MIA2: variants seen among roughly 807,000 people sequenced by gnomAD.
The protein encoded by MIA2 is MIA SH3 domain ER export factor 2.
A neutral mutation model predicts 167.8 loss-of-function variants in MIA2; 127 were observed. The observed-to-expected ratio is 0.76, with a 90% confidence interval of 0.66 to 0.88. MIA2 has a LOEUF of 0.88. MIA2 is among the 40% of genes least tolerant of loss of function. The pLI is 0.00. For synonymous variants in MIA2, 552 were observed against 541.9 expected, an observed-to-expected ratio of 1.02 and a Z score of -0.26; for missense variants, 1,690 against 1,624.7, an observed-to-expected ratio of 1.04 and a Z score of -0.69.
intron 25 of MIA2, 57 bp from the exon 26 acceptor site, chr14:39,345,847 A>C: frequency 1.4e-6 from 2 of 1,480,888 alleles, no homozygotes; most frequent in Non-Finnish European, 1.9e-6. Context: ...CGTTAAACTT[A>C]AGTAAACTTG....
At chr14:39,306,775 A>G (rs1269926017) in intron 17 of MIA2, among the ~76,000 whole-genome samples, 1 of 152,188 alleles carries the variant, frequency 6.6e-6, no homozygotes, top group East Asian at 1.9e-4. Flanking sequence ...TACACGTTAC[A>G]GGAGATGATG....
chr14:39,367,602 C>T (rs1211069692), intron 23 of MIA2, among the ~76,000 whole-genome samples: 1 of 152,220 alleles, frequency 6.6e-6, no homozygotes, highest in Non-Finnish European at 1.5e-5. Context: ...CCTCTTTGGG[C>T]ACCCAGCTGA....
At position 39,236,909 on chromosome 14, in the gene MIA2, A is replaced by G; in HGVS notation, c.116-13A>G. 1.3e-6 allele frequency: 2 copies of G among 1,591,566 alleles called. No homozygotes were observed. The highest frequency in any genetic ancestry group is 1.7e-6 in the Non-Finnish European group (2 of 1,173,522). On this transcript the variant is annotated splice_polypyrimidine_tract_variant and intron_variant, in intron 1 of 28. Transcript: ENST00000640607. ...ATTTAAAGTGTGTATTTTTCTTTAC[A>G]TGTTTTACATAGCTTTAATAAACAG...
chr14:39,241,987 TC>T (rs1450286304), intron 3 of MIA2, among the ~76,000 whole-genome samples: 1 of 152,178 alleles, frequency 6.6e-6, no homozygotes, highest in African/African-American at 2.4e-5. Flanking sequence ...TGGAATGCTT[TC>T]CCCAAATACT....
chr14:39,332,401 C>T (rs1231975958), intron 25 of MIA2, among the ~76,000 whole-genome samples: 1 of 152,130 alleles, frequency 6.6e-6, no homozygotes, highest in Non-Finnish European at 1.5e-5. Flanking sequence ...GCTCCTTTAG[C>T]TTGGCGGAGT....
intron 27 of MIA2, 67 bp downstream of exon 27, chr14:39,347,838 T>TTTTTTTTTC: frequency 1.5e-6 from 2 of 1,346,928 alleles, no homozygotes; most frequent in Non-Finnish European, 2.0e-6. Context: ...TTTTTTTTTT[T>TTTTTTTTTC]TTTATGGAGT....
At chr14:39,314,446 TAAAAA>T (rs530158533) in intron 19 of MIA2, among the ~76,000 whole-genome samples, 2 of 144,824 alleles carry the variant, frequency 1.4e-5, no homozygotes, top group Admixed American at 1.4e-4. Flanking sequence ...TTCTTAAAAA[TAAAAA>T]AAAAACAACA....
intron 11 of MIA2, 104 bp downstream of exon 11, chr14:39,293,485 A>G: frequency 1.2e-6 from 1 of 848,242 alleles, no homozygotes; most frequent in South Asian, 2.0e-5. Flanking sequence ...TAAAAAATGT[A>G]AAGAATACAG....
chr14:39,355,086 C>T (rs199802651), downstream of MIA2, among the ~76,000 whole-genome samples: 2 of 121,192 alleles, frequency 1.7e-5, no homozygotes, highest in East Asian at 2.6e-4. Flanking sequence ...TTTTTTCCAT[C>T]TGTGAAGAAA....
chr14:39,253,076 G>A lies in MIA2; in HGVS notation c.1792G>A (p.Ala598Thr), dbSNP rs2054650252. Residue 598 changes from alanine (A) to threonine (T), a missense_variant, in exon 6 of 29, where the codon GCT (alanine) becomes ACT (threonine). Ala to Thr is a moderately conservative substitution (Grantham distance 58). Coordinates refer to ENST00000640607, the MANE Select transcript of MIA2 (RefSeq NM_001329214.4). The part of the protein sequence containing the change: ...SQNYISQKED[A>T]SEFQILKYLF... ...TTTTATTTATAAATCAACAGAAGAT[G>A]CTTCTGAGTTTCAGATTCTGAAATA... The A allele has an allele frequency of 6.3e-7, 1 of 1,587,550 alleles. No individual in the cohort carries two copies. Among genetic ancestry groups the A allele is most frequent in the Non-Finnish European group, 8.6e-7 (1 of 1,166,622 alleles).
At chr14:39,269,074 G>GTTTTTTTTTTTTTTTTTTTTTTT (rs3065036) in intron 6 of MIA2, 5 of 502,178 alleles carry the variant, frequency 1.0e-5, no homozygotes, top group Non-Finnish European at 1.2e-5. Context: ...CACCTGCACA[G>GTTTTTTTTTTTTTTTTTTTTTTT]TTTTTTTTTT....
chr14:39,267,073 C>T (rs41317314), intron 6 of MIA2: 27 of 1,075,068 alleles, frequency 2.5e-5, no homozygotes, highest in Non-Finnish European at 2.8e-5. Flanking sequence ...GCAAACGACC[C>T]GGACACGTCT....
chr14:39,317,051 G>C (rs2065596477), intron 21 of MIA2, among the ~76,000 whole-genome samples: 1 of 152,136 alleles, frequency 6.6e-6, no homozygotes, highest in African/African-American at 2.4e-5. Flanking sequence ...ATGGGTAGAG[G>C]CTACAAAGAG....
Position 39,348,745 on chromosome 14 carries a change from TTTAAA to T in MIA2, c.3842_3846del (p.Leu1281CysfsTer3). The T allele has an allele frequency of 1.2e-6, 2 of 1,613,898 alleles. No individual in the cohort carries two copies. The highest frequency in any genetic ancestry group is 1.7e-6 in the Non-Finnish European group (2 of 1,179,800). On this transcript the variant is annotated frameshift_variant, in exon 28 of 29. Coordinates refer to ENST00000640607, the MANE Select transcript of MIA2 (RefSeq NM_001329214.4). LOFTEE classifies it high-confidence loss of function. ...TGCCATATGTCAATTTGTTGTAGAA[TTTAAA>T]TGTGCCTGATTCATCTCTCCCTGCT...
At chr14:39,289,016 T>C (rs1040811) in intron 9 of MIA2, among the ~76,000 whole-genome samples, 141,491 of 152,092 alleles carry the variant, frequency 0.93, 65,903 homozygotes, top group East Asian at 0.96. Flanking sequence ...TCCCTCCTGT[T>C]GTTTTTCTTG....
intron 17 of MIA2, among the ~76,000 whole-genome samples, chr14:39,306,382 G>A (rs1179080625): frequency 1.3e-5 from 2 of 152,184 alleles, no homozygotes; most frequent in Non-Finnish European, 2.9e-5. Context: ...ATGGTGGAAG[G>A]TGAAGGGGTA....
chr14:39,265,186 C>T (rs948464707), intron 6 of MIA2: 11 of 506,824 alleles, frequency 2.2e-5, no homozygotes, highest in Middle Eastern at 5.2e-4. Flanking sequence ...TACTTAACAA[C>T]GAGTGAGGTC....
At chr14:39,267,324 C>A in intron 6 of MIA2, 1 of 1,511,918 alleles carries the variant, frequency 6.6e-7, no homozygotes, top group Non-Finnish European at 8.8e-7. Context: ...CCCCCCGCAG[C>A]CGGCTCCGCA....
intron 23 of MIA2, among the ~76,000 whole-genome samples, chr14:39,375,707 A>G (rs1268500808): frequency 6.6e-6 from 1 of 152,142 alleles, no homozygotes; most frequent in African/African-American, 2.4e-5. Flanking sequence ...TAAAAACAAA[A>G]CAAAACAAAA....
Sources: gnomAD v4.1 joint callset for allele counts (sites outside exome capture counted in the v4.1 genomes callset) on GRCh38, gnomAD v4.1.1 for gene constraint, MANE v1.5 for transcripts, NCBI Gene and HGNC (gene_info 2026-07-23, HGNC 2026-07-21) for gene names.